Variants in CHRM4 observed in about 807,000 individuals in gnomAD.
CHRM4 encodes the protein cholinergic receptor muscarinic 4.
Under a neutral mutation model 26.3 loss-of-function variants are expected in CHRM4, and 5 were observed. The observed-to-expected ratio is 0.19, with a 90% CI of 0.10 to 0.40. The LOEUF (loss-of-function observed/expected upper bound fraction) is 0.40. Among genes scored for constraint, CHRM4 ranks in the 10% least tolerant of loss-of-function variants. CHRM4 has a pLI of 1.00. For missense variants in CHRM4, 402 were observed against 664.5 expected (o/e 0.60, Z 4.34); for synonymous variants, 290 against 285.3 (o/e 1.02, Z -0.16).
In CHRM4 at chr11:46,386,938, C is replaced by T. The variant is rs1945347337; in HGVS notation, c.-29-352G>A. 6.6e-6 allele frequency among the ~76,000 whole-genome samples: 1 copy of T among 152,226 alleles called. No homozygotes were observed. Among genetic ancestry groups the T allele is most frequent in the Admixed American group, 6.5e-5 (1 of 15,280 alleles). On this transcript the variant is annotated intron_variant, in intron 1 of 1. Coordinates refer to ENST00000682254, the MANE Select transcript of CHRM4 (RefSeq NM_000741.5). This position sits in a 1 kb window ranked among gnomAD's most constrained non-coding sequence, Gnocchi z 5.8. Reference sequence around the variant, plus strand: ...TGACTCCTTGCTAGGTGGCCTCACCCACCAGGTCATCTGGGTGATGAGGAG... The same window carrying T: ...TGACTCCTTGCTAGGTGGCCTCACCTACCAGGTCATCTGGGTGATGAGGAG...
At position 46,383,920 on chromosome 11, in the gene CHRM4, G is replaced by C; in HGVS notation, c.*1198C>G. 3.1e-6 allele frequency: 1 copy of C among 320,580 alleles called. No homozygotes were observed. Among genetic ancestry groups the C allele is most frequent in the Non-Finnish European group, 6.1e-6 (1 of 164,130 alleles). 19.9% of individuals were successfully genotyped at this position (320,580 alleles called of 1,614,324 possible). On this transcript the variant is annotated 3_prime_UTR_variant, in exon 2 of 2. Transcript: ENST00000682254. ...GGCTGTAGGGACTGGTGGGTTTCAG[G>C]GGGCTTGGTGGTGGGTGCTCTCCAG...
Position 46,384,504 on chromosome 11 carries a change from C to T in CHRM4, c.*614G>A, listed in dbSNP as rs1366395243. Among the ~76,000 whole-genome samples the T allele has an allele frequency of 6.6e-6, 1 of 152,238 alleles. No homozygotes were observed. Among genetic ancestry groups the T allele is most frequent in the African/African-American group, 2.4e-5 (1 of 41,448 alleles). On this transcript the variant is annotated 3_prime_UTR_variant, in exon 2 of 2. Coordinates refer to ENST00000682254, the MANE Select transcript of CHRM4 (RefSeq NM_000741.5). Reference sequence around the variant, plus strand: ...GTTCCTGAGACAGAACCTCTGACCTCCCAGCTGCCCCATCTTAATGTGACA... The same window carrying T: ...GTTCCTGAGACAGAACCTCTGACCTTCCAGCTGCCCCATCTTAATGTGACA...
Position 46,385,940 on chromosome 11 carries a change from C to T in CHRM4, c.618G>A (p.Leu206=), listed in dbSNP as rs201488711. 7.3e-5 allele frequency: 117 copies of T among 1,612,508 alleles called. No individual in the cohort carries two copies. The South Asian group carries it at 1.2e-3, about 17-fold the overall frequency. ...ACAGCACCGTCATGATGACCACAGG[C>T]AGGTAGAAGGCAGCAATGGCTGTGC... The part of the protein sequence containing the change: ...TFGTAIAAFY[L]PVVIMTVLYI... Residue 206 remains leucine (L), a synonymous_variant, in exon 2 of 2, where the codon CTG becomes CTA. Coordinates refer to ENST00000682254, the MANE Select transcript of CHRM4 (RefSeq NM_000741.5). This position sits in a 1 kb window ranked among gnomAD's most constrained non-coding sequence, Gnocchi z 6.3.
At chr11:46,387,111 C>T (rs1030276123) in intron 1 of CHRM4, among the ~76,000 whole-genome samples, 4 of 143,316 alleles carry the variant, frequency 2.8e-5, no homozygotes, top group Non-Finnish European at 4.8e-5. Flanking sequence ...CAGAGGCCCA[C>T]GAGCATGTGG....
chr11:46,385,409 G>T lies in CHRM4; in HGVS notation c.1149C>A (p.Asn383Lys). The T allele has an allele frequency of 6.2e-7, 1 of 1,609,896 alleles. No individual in the cohort carries two copies. Among genetic ancestry groups the T allele is most frequent in the Non-Finnish European group, 8.5e-7 (1 of 1,176,618 alleles). ...CCATCTGCCGCTTCTTGCGCACCTG[G>T]TTGCGAGCGATGCTGGCGAACTTGC... The part of the protein sequence containing the change: ...VARKFASIAR[N>K]QVRKKRQMAA... The change falls in exon 2 of 2, where the codon AAC becomes AAA. Residue 383 changes from asparagine to lysine, a missense_variant. This residue lies in a region of CHRM4 where 205 missense variants were observed against 244.0 expected (regional missense o/e 0.84). Coordinates refer to ENST00000682254, the MANE Select transcript of CHRM4 (RefSeq NM_000741.5). This position sits in a 1 kb window ranked among gnomAD's most constrained non-coding sequence, Gnocchi z 6.3.
chr11:46,388,638 C>A (rs1368661536), intron 1 of CHRM4, among the ~76,000 whole-genome samples: 2 of 152,218 alleles, frequency 1.3e-5, no homozygotes, highest in East Asian at 3.8e-4. Flanking sequence ...AGGGCAAAGA[C>A]CACATACTGC....
In CHRM4 at chr11:46,386,207, G is replaced by A. The variant is rs200711711; in HGVS notation, c.351C>T (p.Asn117=). 1.6e-5 allele frequency: 26 copies of A among 1,613,740 alleles called. No homozygotes were observed. The highest frequency in any genetic ancestry group is 2.7e-5 in the African/African-American group (2 of 74,918). The part of the protein sequence containing the change: ...LWLALDYVVS[N]ASVMNLLIIS... The stretch of plus-strand genomic sequence containing the variant: ...TGATGAGAAGGTTCATGACGGAGGC[G>A]TTGCTCACCACGTAGTCCAGGGCCA... The change falls in exon 2 of 2, where the codon AAC becomes AAT. Residue 117 remains asparagine (N), a synonymous_variant. Transcript: ENST00000682254. This position sits in a 1 kb window ranked among gnomAD's most constrained non-coding sequence, Gnocchi z 5.8.
Position 46,386,817 on chromosome 11 carries a change from C to A in CHRM4, c.-29-231G>T, listed in dbSNP as rs1168002814. Among the ~76,000 whole-genome samples, 2 of 152,184 alleles carry A rather than the reference C, an allele frequency of 1.3e-5. No homozygotes were observed. The highest frequency in any genetic ancestry group is 2.9e-5 in the Non-Finnish European group (2 of 68,026). On this transcript the variant is annotated intron_variant, in intron 1 of 1. Coordinates refer to ENST00000682254, the MANE Select transcript of CHRM4 (RefSeq NM_000741.5). The surrounding 1 kb of genome is among the most constrained non-coding windows in gnomAD (Gnocchi z 5.8). ...ACAGAAGTGAATAAGACACACATGG[C>A]CCCCTGCCTCATGGGGGGAGACATG...
chr11:46,384,171 G>A lies in CHRM4; in HGVS notation c.*947C>T, dbSNP rs1217558872. On this transcript the variant is annotated 3_prime_UTR_variant, in exon 2 of 2. Transcript: ENST00000682254. ...CAATCAGGAAGGTTCTACCCATGGG[G>A]GAGAGCAGATGCGAGGGCTGCGTGC... Among the ~76,000 whole-genome samples, 3 of 152,178 alleles carry A rather than the reference G, an allele frequency of 2.0e-5. No individual in the cohort carries two copies. The highest frequency in any genetic ancestry group is 2.9e-5 in the Non-Finnish European group (2 of 68,030).
In CHRM4 at chr11:46,386,424, A is replaced by C; in HGVS notation, c.134T>G (p.Val45Gly). Reference protein sequence around the residue: ...IATVTGSLSLVTVVGNILVML... With the variant: ...IATVTGSLSLGTVVGNILVML... ...CACCAGGATGTTGCCCACGACAGTC[A>C]CCAGGCTCAGGGAGCCTGTCACTGT... The change falls in exon 2 of 2, where the codon GTG (valine) becomes GGG (glycine). Residue 45 changes from valine (V) to glycine (G), a missense_variant. Physicochemically the swap from Val to Gly is moderately radical, Grantham distance 109. Coordinates refer to ENST00000682254, the MANE Select transcript of CHRM4 (RefSeq NM_000741.5). The surrounding 1 kb of genome is among the most constrained non-coding windows in gnomAD (Gnocchi z 5.8). 1 of 1,613,958 alleles carries C rather than the reference A, an allele frequency of 6.2e-7. No homozygotes were observed. Among genetic ancestry groups the C allele is most frequent in the Non-Finnish European group, 8.5e-7 (1 of 1,179,890 alleles).
rs572131298 is a variant in CHRM4 at position 46,384,402 on chromosome 11, C to T, written c.*716G>A. ...GTGACCTGGGACAGCCTTCTAAGGC[C>T]GGGGCTGCAGGGGGCTGTCTTCTGA... On this transcript the variant is annotated 3_prime_UTR_variant, in exon 2 of 2. Transcript: ENST00000682254. Among the ~76,000 whole-genome samples the T allele has an allele frequency of 1.3e-5, 2 of 152,296 alleles. No individual in the cohort carries two copies. The highest frequency in any genetic ancestry group is 4.8e-5 in the African/African-American group (2 of 41,550).
In CHRM4 at chr11:46,386,663, G is replaced by T; in HGVS notation, c.-29-77C>A. 7.3e-7 allele frequency: 1 copy of T among 1,364,694 alleles called. No homozygotes were observed. Among genetic ancestry groups the T allele is most frequent in the Non-Finnish European group, 1.0e-6 (1 of 993,378 alleles). 84.5% of individuals were successfully genotyped at this position (1,364,694 alleles called of 1,614,324 possible). ...TCATCTGGAGGTACACTGGATTCAAGGTGACAGAGGGACATTCTCTGGCAG... is the reference window on the plus strand; with the variant it reads ...TCATCTGGAGGTACACTGGATTCAATGTGACAGAGGGACATTCTCTGGCAG... On this transcript the variant is annotated intron_variant, in intron 1 of 1. Coordinates refer to ENST00000682254, the MANE Select transcript of CHRM4 (RefSeq NM_000741.5). This position sits in a 1 kb window ranked among gnomAD's most constrained non-coding sequence, Gnocchi z 5.8.
chr11:46,385,426 C>T lies in CHRM4; in HGVS notation c.1132G>A (p.Ala378Thr), dbSNP rs750280509. The T allele has an allele frequency of 3.2e-5, 51 of 1,608,330 alleles. No individual in the cohort carries two copies. Among genetic ancestry groups the T allele is most frequent in the East Asian group, 4.5e-5 (2 of 44,718 alleles). Reference sequence around the variant, plus strand: ...CGCACCTGGTTGCGAGCGATGCTGGCGAACTTGCGGGCCACGTTGGCCGCA... The same window carrying T: ...CGCACCTGGTTGCGAGCGATGCTGGTGAACTTGCGGGCCACGTTGGCCGCA... ...RPAANVARKF[A>T]SIARNQVRKK... is the part of the protein sequence containing the mutation. The change falls in exon 2 of 2, where the codon GCC becomes ACC. Residue 378 changes from alanine (A) to threonine (T), a missense_variant. Ala to Thr is a moderately conservative substitution (Grantham distance 58, BLOSUM62 0). This residue lies in a region of CHRM4 where 205 missense variants were observed against 244.0 expected (regional missense o/e 0.84). Coordinates refer to ENST00000682254, the MANE Select transcript of CHRM4 (RefSeq NM_000741.5). This position sits in a 1 kb window ranked among gnomAD's most constrained non-coding sequence, Gnocchi z 6.3.
Sources: allele counts gnomAD v4.1 joint callset (sites outside exome capture counted in the v4.1 genomes callset), GRCh38; gene constraint gnomAD v4.1.1; regional missense constraint gnomAD v4.1.1; non-coding constraint Gnocchi (gnomAD v3.1); transcripts MANE v1.5; gene names NCBI Gene and HGNC (gene_info 2026-07-23, HGNC 2026-07-21).